Variants in ALG9 observed in about 807,000 individuals in gnomAD.
The protein encoded by ALG9 is ALG9 alpha-1,2-mannosyltransferase.
A neutral mutation model predicts 81.8 loss-of-function variants in ALG9; 55 were observed. The ratio of observed to expected loss-of-function variants is 0.67; its 90% CI spans 0.54 to 0.84. ALG9 has a LOEUF of 0.84. ALG9 is among the 40% of genes least tolerant of loss of function. The pLI is 0.00. For missense variants in ALG9, 629 were observed against 745.0 expected (o/e 0.84, Z 1.81); for synonymous variants, 278 against 274.3 (o/e 1.01, Z -0.13).
intron 14 of ALG9, among the ~76,000 whole-genome samples, chr11:111,796,668 G>C (rs1555075560): frequency 6.6e-6 from 1 of 152,166 alleles, no homozygotes; most frequent in African/African-American, 2.4e-5. Flanking sequence ...GGGAGAATAT[G>C]AGGAGGAAAA....
At chr11:111,854,796 C>T (rs1428857988) in intron 6 of ALG9, among the ~76,000 whole-genome samples, 1 of 152,148 alleles carries the variant, frequency 6.6e-6, no homozygotes, top group Admixed American at 6.5e-5. Context: ...ATCTGTCTTT[C>T]CTACTAAAAT....
At chr11:111,840,860 C>T (rs782770689) in intron 9 of ALG9, 51 bp from the exon 10 acceptor site, 4 of 1,603,582 alleles carry the variant, frequency 2.5e-6, no homozygotes, top group Non-Finnish European at 3.4e-6. Flanking sequence ...AACAAAACAA[C>T]ATATTTAGTT....
chr11:111,816,014 C>A (rs1331418514), intron 13 of ALG9, among the ~76,000 whole-genome samples: 1 of 152,214 alleles, frequency 6.6e-6, no homozygotes, highest in African/African-American at 2.4e-5. Context: ...CCCCAGTAAG[C>A]AATGAACTAG....
chr11:111,786,532 G>C lies in ALG9; in HGVS notation c.1734-12C>G. On this transcript the variant is annotated splice_polypyrimidine_tract_variant and intron_variant, in intron 14 of 14. Coordinates refer to ENST00000616540, the MANE Select transcript of ALG9 (RefSeq NM_024740.2). The stretch of plus-strand genomic sequence containing the variant: ...GCAGCTTTGAAGATCTGAAAAACAA[G>C]GGATAAAAAAAAGAATTTTATCACT... 6.2e-7 allele frequency: 1 copy of C among 1,613,244 alleles called. No homozygotes were observed. The highest frequency in any genetic ancestry group is 8.5e-7 in the Non-Finnish European group (1 of 1,179,548).
intron 13 of ALG9, among the ~76,000 whole-genome samples, chr11:111,824,682 A>G (rs1952939077): frequency 6.6e-6 from 1 of 152,228 alleles, no homozygotes; most frequent in Non-Finnish European, 1.5e-5. Context: ...CATTATTATC[A>G]GTTCCTGCTA....
the ALG9 span, chr11:111,769,339 A>G: frequency 6.6e-6 from 1 of 150,890 alleles, no homozygotes; most frequent in Non-Finnish European, 1.5e-5. Flanking sequence ...AGAGTCTTGG[A>G]CAGGTGCAGT....
intron 14 of ALG9, among the ~76,000 whole-genome samples, chr11:111,802,248 T>G (rs1313732418): frequency 6.6e-6 from 1 of 152,234 alleles, no homozygotes; most frequent in Non-Finnish European, 1.5e-5. Context: ...CACAAAGATG[T>G]GTGGAGAAGG....
chr11:111,809,616 A>T (rs782577774), intron 14 of ALG9, 27 bp downstream of exon 14: 1 of 1,613,630 alleles, frequency 6.2e-7, no homozygotes, highest in African/African-American at 1.3e-5. Context: ...TAGTCCTGGA[A>T]TATCCCATAG....
downstream of ALG9, among the ~76,000 whole-genome samples, chr11:111,778,795 G>A (rs1945766987): frequency 1.3e-5 from 2 of 150,730 alleles, no homozygotes; most frequent in Non-Finnish European, 1.5e-5. Context: ...CAACCAGATA[G>A]TGGCAATTTT....
At chr11:111,822,961 T>C (rs1440553299) in intron 13 of ALG9, among the ~76,000 whole-genome samples, 1 of 150,268 alleles carries the variant, frequency 6.7e-6, no homozygotes, top group Admixed American at 6.6e-5. Context: ...GAGGCGGAGA[T>C]TGCAGTGAGC....
intron 13 of ALG9, among the ~76,000 whole-genome samples, chr11:111,813,917 A>C (rs1296148613): frequency 6.6e-6 from 1 of 152,244 alleles, no homozygotes; most frequent in Non-Finnish European, 1.5e-5. Flanking sequence ...AAAATTGAAC[A>C]TATGTATTTC....
intron 11 of ALG9, 143 bp from the exon 12 acceptor site, chr11:111,837,758 G>C: frequency 1.1e-6 from 1 of 932,968 alleles, no homozygotes; most frequent in South Asian, 1.4e-5. Flanking sequence ...CATGAAGCCT[G>C]CTCTGCAGGT....
intron 9 of ALG9, 107 bp from the exon 10 acceptor site, chr11:111,840,916 T>G (rs964174019): frequency 7.6e-7 from 1 of 1,323,244 alleles, no homozygotes; most frequent in Non-Finnish European, 1.1e-6. Flanking sequence ...CCTAGGACAC[T>G]CCATAGAATG....
intron 14 of ALG9, among the ~76,000 whole-genome samples, chr11:111,799,255 T>C (rs1948746114): frequency 6.6e-6 from 1 of 152,182 alleles, no homozygotes; most frequent in African/African-American, 2.4e-5. Context: ...CAAGTGATTC[T>C]CCTGCTTCAG....
chr11:111,842,348 C>G (rs1457477453), intron 9 of ALG9, among the ~76,000 whole-genome samples: 1 of 152,094 alleles, frequency 6.6e-6, no homozygotes, highest in Non-Finnish European at 1.5e-5. Context: ...TATACAAAAT[C>G]ACAACCACAG....
At chr11:111,859,227 CGTGCGG>C (rs1566190309) in intron 5 of ALG9, among the ~76,000 whole-genome samples, 1 of 151,902 alleles carries the variant, frequency 6.6e-6, no homozygotes, top group Non-Finnish European at 1.5e-5. Context: ...AAAGAGGCCA[CGTGCGG>C]TGGCTCACAC....
At chr11:111,830,954 T>A (rs1954246703) in intron 13 of ALG9, among the ~76,000 whole-genome samples, 1 of 152,132 alleles carries the variant, frequency 6.6e-6, no homozygotes, top group South Asian at 2.1e-4. Flanking sequence ...AAGGATCACT[T>A]GAAGCCTGGA....
At chr11:111,853,048 T>C (rs1413832351) in intron 8 of ALG9, among the ~76,000 whole-genome samples, 2 of 151,094 alleles carry the variant, frequency 1.3e-5, no homozygotes, top group Non-Finnish European at 2.9e-5. Context: ...ATACTGATTT[T>C]TTAATAAGAA....
chr11:111,798,446 A>G (rs936533134), intron 14 of ALG9, among the ~76,000 whole-genome samples: 19 of 152,110 alleles, frequency 1.2e-4, no homozygotes, highest in African/African-American at 4.6e-4. Flanking sequence ...AACATCTCTC[A>G]GCACACTTAG....
Sources: gnomAD v4.1 joint callset for allele counts (sites outside exome capture counted in the v4.1 genomes callset) on GRCh38, gnomAD v4.1.1 for gene constraint, MANE v1.5 for transcripts, NCBI Gene and HGNC (gene_info 2026-07-23, HGNC 2026-07-21) for gene names.